TMEM63A: variants seen among roughly 807,000 people sequenced by gnomAD.
TMEM63A encodes mechanosensitive cation channel TMEM63A.
A neutral mutation model predicts 100.6 loss-of-function variants in TMEM63A; 76 were observed. The ratio of observed to expected loss-of-function variants is 0.76; its 90% CI spans 0.63 to 0.91. TMEM63A has a LOEUF of 0.91. Ranked by LOEUF, TMEM63A falls within the 40% of genes least tolerant of loss-of-function variation. The pLI, the probability that TMEM63A is intolerant of heterozygous loss-of-function variation, is 0.00. For missense variants in TMEM63A, 876 were observed against 1,008.8 expected, an observed-to-expected ratio of 0.87 and a Z score of 1.78; for synonymous variants, 401 against 401.1, an observed-to-expected ratio of 1.00 and a Z score of 0.00.
Position 225,847,139 on chromosome 1 carries a change from C to A in TMEM63A, c.2325G>T (p.Gln775His), listed in dbSNP as rs193031527. ...TGATGTTGTGGATGGCACCATAGGT[C>A]TGCTGCTGCTGCTGCTGCGGAGACA... is the stretch of plus-strand genomic sequence containing the variant. ...TALSPQQQQQ[Q>H]TYGAIHNISG... The change falls in exon 24 of 25, where the codon CAG becomes CAT. Residue 775 changes from glutamine (Q) to histidine (H), a missense_variant. By Grantham distance (24) the Gln-to-His change is conservative. Coordinates refer to ENST00000366835, the MANE Select transcript of TMEM63A (RefSeq NM_014698.3). 4 of 1,548,790 alleles carry A rather than the reference C, an allele frequency of 2.6e-6. No homozygotes were observed. The East Asian group carries it at 9.5e-5, about 37-fold the overall frequency.
In TMEM63A at chr1:225,877,698, G is replaced by C. The variant is rs769032820; in HGVS notation, c.-14-104C>G. Reference sequence around the variant, plus strand: ...CAAAGGCAGGCGTTTCCCAGGGACTGATCGGGCAGTGAGCCAGCAGCAAGG... The same window carrying C: ...CAAAGGCAGGCGTTTCCCAGGGACTCATCGGGCAGTGAGCCAGCAGCAAGG... On this transcript the variant is annotated intron_variant, in intron 2 of 24. Transcript: ENST00000366835. 398 of 1,187,958 alleles carry C rather than the reference G, an allele frequency of 3.4e-4. 1 individual carries two copies. The highest frequency in any genetic ancestry group is 2.9e-4 in the Middle Eastern group (1 of 3,502). 73.6% of individuals were successfully genotyped at this position (1,187,958 alleles called of 1,614,324 possible).
chr1:225,852,641 G>C (rs747857073), intron 20 of TMEM63A, 23 bp downstream of exon 20: 6 of 1,610,408 alleles, frequency 3.7e-6, no homozygotes, highest in South Asian at 3.3e-5. Flanking sequence ...ATGTACCCTG[G>C]GACAGGCTCC....
chr1:225,859,138 C>T, intron 15 of TMEM63A, 58 bp downstream of exon 15: 1 of 1,610,834 alleles, frequency 6.2e-7, no homozygotes, highest in Non-Finnish European at 8.5e-7. Context: ...CTTCCCCACC[C>T]ACCAAGCCCT....
rs553604059 is a variant in TMEM63A, at chr1:225,877,569, G to C, written c.12C>G (p.Ser4=). Residue 4 remains serine, a synonymous_variant, in exon 3 of 25, where the codon TCC becomes TCG. Transcript: ENST00000366835. MMD[S]PFLELWQSKA... is the part of the protein sequence containing the mutation. Reference sequence around the variant, plus strand: ...TGGACTGCCACAGCTCCAGGAACGGGGAGTCCATCATCGCGCCTGTCTTCC... The same window carrying C: ...TGGACTGCCACAGCTCCAGGAACGGCGAGTCCATCATCGCGCCTGTCTTCC... 2.5e-6 allele frequency: 4 copies of C among 1,613,524 alleles called. No homozygotes were observed. The highest frequency in any genetic ancestry group is 2.2e-5 in the East Asian group (1 of 44,864).
At chr1:225,848,745 C>T in intron 22 of TMEM63A, 152 bp downstream of exon 22, 1 of 814,774 alleles carries the variant, frequency 1.2e-6, no homozygotes, top group South Asian at 1.7e-5. Context: ...ACATGGCACC[C>T]AACCACCCAC....
At chr1:225,858,318 GT>G (rs67373815) in intron 15 of TMEM63A, among the ~76,000 whole-genome samples, 2 of 70,164 alleles carry the variant, frequency 2.9e-5, no homozygotes, top group African/African-American at 8.2e-5. Context: ...AGAATAGTTT[GT>G]TTTTTTTTTT....
chr1:225,849,020 T>TA lies in TMEM63A; in HGVS notation c.2072-9dup. ...TGGCGGGGGCCTTCATACCTGGTGA[T>TA]AGAGGGTGGCTAGCCTTGGGGTGGG... On this transcript the variant is annotated splice_polypyrimidine_tract_variant and intron_variant, in intron 21 of 24. Transcript: ENST00000366835. 2.6e-6 allele frequency: 4 copies of TA among 1,557,898 alleles called. No homozygotes were observed. Among genetic ancestry groups the TA allele is most frequent in the Non-Finnish European group, 3.5e-6 (4 of 1,148,282 alleles).
At position 225,846,870 on chromosome 1, in the gene TMEM63A, C is replaced by G; in HGVS notation, c.*69G>C. ...CTCAGCTGGGCAGTCCCAACGCATTCCCACTCAGCCAAGGGCCTGAGCCCC... is the reference window on the plus strand; with the variant it reads ...CTCAGCTGGGCAGTCCCAACGCATTGCCACTCAGCCAAGGGCCTGAGCCCC... On this transcript the variant is annotated 3_prime_UTR_variant, in exon 25 of 25. Coordinates refer to ENST00000366835, the MANE Select transcript of TMEM63A (RefSeq NM_014698.3). The G allele has an allele frequency of 3.7e-6, 3 of 800,962 alleles. No homozygotes were observed. The highest frequency in any genetic ancestry group is 5.6e-6 in the Non-Finnish European group (3 of 536,886). 49.6% of individuals were successfully genotyped at this position (800,962 alleles called of 1,614,324 possible).
intron 18 of TMEM63A, 100 bp downstream of exon 18, chr1:225,855,778 C>T (rs943777129): frequency 1.7e-6 from 2 of 1,208,634 alleles, no homozygotes; most frequent in African/African-American, 1.5e-5. Context: ...TGTTCAGAAG[C>T]ATAGGCTACG....
intron 8 of TMEM63A, 123 bp downstream of exon 8, chr1:225,866,989 T>A: frequency 1.0e-6 from 1 of 983,982 alleles, no homozygotes. Flanking sequence ...ACTCACTAGC[T>A]GCAAGGGGCC....
chr1:225,859,649 G>GT (rs57486744), intron 14 of TMEM63A: 29,554 of 261,926 alleles, frequency 0.11, 1 homozygote, highest in South Asian at 0.21. Flanking sequence ...TTCTTTTTCT[G>GT]TTTTTTTTTT....
intron 17 of TMEM63A, 89 bp downstream of exon 17, chr1:225,856,560 TCTG>T: frequency 7.4e-7 from 1 of 1,354,340 alleles, no homozygotes; most frequent in Non-Finnish European, 1.0e-6. Flanking sequence ...GAGGTTTGCT[TCTG>T]CTGCCAAACC....
chr1:225,866,012 T>C (rs1356651573), intron 9 of TMEM63A, 45 bp from the exon 10 acceptor site: 6 of 1,599,154 alleles, frequency 3.8e-6, no homozygotes, highest in Non-Finnish European at 5.1e-6. Context: ...CACAAGCCAG[T>C]GTGCCGGTAT....
In TMEM63A at chr1:225,855,888, T is replaced by C. The variant is rs753239436; in HGVS notation, c.1624A>G (p.Ile542Val). The C allele has an allele frequency of 1.5e-5, 25 of 1,613,966 alleles. No homozygotes were observed. Among genetic ancestry groups the C allele is most frequent in the Non-Finnish European group, 2.0e-5 (24 of 1,180,004 alleles). ...CTTGGCAATACTCACTCCAACCTGA[T>C]GGAGGCCTCCGAGGAAGTTTTGTCA... The part of the protein sequence containing the change: ...LFDKTSSEAS[I>V]RLECVFLPDQ... Residue 542 changes from isoleucine to valine, a missense_variant, in exon 18 of 25, where the codon ATC becomes GTC. By Grantham distance (29) the Ile-to-Val change is conservative. This residue lies in a region of TMEM63A where 4 missense variants were observed against 17.2 expected (regional missense o/e 0.23). Coordinates refer to ENST00000366835, the MANE Select transcript of TMEM63A (RefSeq NM_014698.3).
At chr1:225,874,621 T>G (rs1412026755) in intron 3 of TMEM63A, among the ~76,000 whole-genome samples, 2 of 152,210 alleles carry the variant, frequency 1.3e-5, no homozygotes, top group African/African-American at 4.8e-5. Context: ...CAAGCTTGCC[T>G]GGAGCCTGCC....
Position 225,853,970 on chromosome 1 carries a change from A to T in TMEM63A, c.1635-179T>A, listed in dbSNP as rs1669485701. 6.6e-6 allele frequency among the ~76,000 whole-genome samples: 1 copy of T among 152,156 alleles called. No homozygotes were observed. The highest frequency in any genetic ancestry group is 2.1e-4 in the South Asian group (1 of 4,826). On this transcript the variant is annotated intron_variant, in intron 18 of 24. Transcript: ENST00000366835. The surrounding 1 kb of genome is among the most constrained non-coding windows in gnomAD (Gnocchi z 4.0). The stretch of plus-strand genomic sequence containing the variant: ...GCACCTTTCTAGGCACTGAGAATAG[A>T]ACAAAGCCCCTGCGCCACTCTCTTG...
chr1:225,847,246 C>A, intron 23 of TMEM63A, 33 bp from the exon 24 acceptor site: 1 of 1,601,050 alleles, frequency 6.2e-7, no homozygotes. Context: ...TTGGCCTGGA[C>A]AGGCATGAGC....
intron 20 of TMEM63A, among the ~76,000 whole-genome samples, chr1:225,851,792 C>G (rs1007468718): frequency 1.3e-5 from 2 of 152,268 alleles, no homozygotes; most frequent in African/African-American, 4.8e-5. Context: ...TCAGCTATCA[C>G]TGCCAGCAGT....
Position 225,848,972 on chromosome 1 carries a change from C to T in TMEM63A, c.2112G>A (p.Leu704=), listed in dbSNP as rs759054192. 6.2e-7 allele frequency: 1 copy of T among 1,604,660 alleles called. No individual in the cohort carries two copies. The highest frequency in any genetic ancestry group is 8.5e-7 in the Non-Finnish European group (1 of 1,176,524). ...APATLFTFLV[L]LLTILVCLAH... ...CCAGGCAGACCAGGATGGTGAGCAG[C>T]AGCACCAGGAAGGTGAACAGAGTGG... The change falls in exon 22 of 25, where the codon CTG becomes CTA. Residue 704 remains leucine (L), a synonymous_variant. Transcript: ENST00000366835.
Sources: allele counts gnomAD v4.1 joint callset (sites outside exome capture counted in the v4.1 genomes callset), GRCh38; gene constraint gnomAD v4.1.1; regional missense constraint gnomAD v4.1.1; non-coding constraint Gnocchi (gnomAD v3.1); transcripts MANE v1.5; gene names NCBI Gene and HGNC (gene_info 2026-07-23, HGNC 2026-07-21).